The following NFXL1 variants were observed in gnomAD, a reference collection of about 807,000 sequenced individuals.
The protein encoded by NFXL1 is nuclear transcription factor, X-box binding like 1.
NFXL1 carries 66 observed loss-of-function variants against 123.3 expected under a neutral mutation model. The ratio of observed to expected loss-of-function variants is 0.54; its 90% CI spans 0.44 to 0.66. The LOEUF is 0.66. NFXL1 is among the 30% of genes least tolerant of loss of function. The probability of loss-of-function intolerance (pLI) is 0.00; values close to 1 mark genes in which losing one functional copy is unlikely to be tolerated. For synonymous variants in NFXL1, 346 were observed against 360.8 expected (o/e 0.96, Z 0.46); for missense variants, 944 against 1,125.6 (o/e 0.84, Z 2.31).
chr4:47,879,026 T>C, intron 16 of NFXL1, 70 bp downstream of exon 16: 2 of 862,340 alleles, frequency 2.3e-6, no homozygotes, highest in South Asian at 1.6e-5. Context: ...CTAACAACTC[T>C]AGTAAAGTTA....
Position 47,913,974 on chromosome 4 carries a change from G to C in NFXL1, c.230C>G (p.Ala77Gly). 6.5e-7 allele frequency: 1 copy of C among 1,543,182 alleles called. No homozygotes were observed. Among genetic ancestry groups the C allele is most frequent in the Non-Finnish European group, 8.7e-7 (1 of 1,143,388 alleles). The change falls in exon 2 of 23, where the codon GCC becomes GGC. Residue 77 changes from alanine (A) to glycine (G), a missense_variant. Physicochemically the swap from Ala to Gly is moderately conservative, Grantham distance 60. Transcript: ENST00000507489. ...AGSQALQTTA[A>G]SELMSQKKFE... ...CGGGCGGGAGCCATTCTCACCGCTGGCTGCGGTAGTCTGCAGGGCTTGGGA... is the reference window on the plus strand; with the variant it reads ...CGGGCGGGAGCCATTCTCACCGCTGCCTGCGGTAGTCTGCAGGGCTTGGGA...
chr4:47,860,613 G>T (rs1027025512), intron 19 of NFXL1, among the ~76,000 whole-genome samples: 2 of 152,190 alleles, frequency 1.3e-5, no homozygotes, highest in Admixed American at 6.5e-5. Flanking sequence ...ACAATCTACA[G>T]TATGGGAAAG....
rs547424871 is a variant in NFXL1 at position 47,882,327 on chromosome 4, A to G, written c.1916+2019T>C. On this transcript the variant is annotated intron_variant, in intron 15 of 22. Transcript: ENST00000507489. ...AAGTTTCCTTACCCTTTAAAAAAAG[A>G]AAAGAAGAAAAGGAAAAGGTGATGA... 2.0e-5 allele frequency: 3 copies of G among 152,346 alleles called. No individual in the cohort carries two copies. The East Asian group carries it at 5.8e-4, about 29-fold the overall frequency. The allele number at this position is 152,346 out of a possible 1,614,324, so 9.4% of individuals were successfully genotyped here.
At position 47,878,538 on chromosome 4, in the gene NFXL1, G is replaced by A; in HGVS notation, c.2066C>T (p.Thr689Ile). 6.3e-7 allele frequency: 1 copy of A among 1,579,572 alleles called. No individual in the cohort carries two copies. Among genetic ancestry groups the A allele is most frequent in the Non-Finnish European group, 8.6e-7 (1 of 1,164,660 alleles). Residue 689 changes from threonine (T) to isoleucine (I), a missense_variant, in exon 17 of 23, where the codon ACT becomes ATT. By Grantham distance (89) the Thr-to-Ile change is moderately conservative. Transcript: ENST00000507489. ...TAAGAACATTACCTTGTTTTTTCCAGTGCAGCCATCAGTTTTGGTTACTTT... is the reference window on the plus strand; with the variant it reads ...TAAGAACATTACCTTGTTTTTTCCAATGCAGCCATCAGTTTTGGTTACTTT... ...CHKVTKTDGC[T>I]GKNKAGPECL...
intron 19 of NFXL1, among the ~76,000 whole-genome samples, chr4:47,861,293 C>T (rs1734753191): frequency 6.6e-6 from 1 of 152,174 alleles, no homozygotes; most frequent in Non-Finnish European, 1.5e-5. Flanking sequence ...ATGAAATTCA[C>T]CTGTCTACTC....
intron 2 of NFXL1, among the ~76,000 whole-genome samples, chr4:47,912,810 G>C (rs908701754): frequency 1.4e-5 from 2 of 141,550 alleles, no homozygotes; most frequent in Non-Finnish European, 3.1e-5. Context: ...TGGCTAACAC[G>C]GTGAAACCCC....
In NFXL1 at chr4:47,910,951, G is replaced by C; in HGVS notation, c.279C>G (p.Asn93Lys). 1 of 1,607,608 alleles carries C rather than the reference G, an allele frequency of 6.2e-7. No homozygotes were observed. Among genetic ancestry groups the C allele is most frequent in the Non-Finnish European group, 8.5e-7 (1 of 1,177,584 alleles). ...QKKFEEIKKA[N>K]QAAARKLVEE... The stretch of plus-strand genomic sequence containing the variant: ...CAACAAGTTTTCTGGCTGCAGCTTG[G>C]TTAGCTTTCTTGATTTCTTCAAATT... The change falls in exon 3 of 23, where the codon AAC becomes AAG. Residue 93 changes from asparagine to lysine, a missense_variant. This residue lies in a region of NFXL1 where 303 missense variants were observed against 292.1 expected (regional missense o/e 1.04). Transcript: ENST00000507489.
intron 18 of NFXL1, among the ~76,000 whole-genome samples, chr4:47,870,461 C>A (rs1254247716): frequency 1.4e-5 from 2 of 142,680 alleles, no homozygotes; most frequent in Non-Finnish European, 3.2e-5. Flanking sequence ...TGTAGAAATA[C>A]AGGAAGTAAT....
chr4:47,872,872 A>T (rs1307706048), intron 18 of NFXL1, among the ~76,000 whole-genome samples: 3 of 152,140 alleles, frequency 2.0e-5, no homozygotes, highest in Non-Finnish European at 2.9e-5. Flanking sequence ...TTGCTGCATC[A>T]ATTGACTCTT....
At chr4:47,889,465 T>C (rs1436458555) in intron 12 of NFXL1, among the ~76,000 whole-genome samples, 4 of 152,164 alleles carry the variant, frequency 2.6e-5, no homozygotes, top group Non-Finnish European at 5.9e-5. Flanking sequence ...TGGGTTCACA[T>C]CCTGACTCTG....
intron 15 of NFXL1, among the ~76,000 whole-genome samples, chr4:47,883,180 G>C (rs1364068882): frequency 6.6e-6 from 1 of 151,938 alleles, no homozygotes; most frequent in Non-Finnish European, 1.5e-5. Context: ...GGAAAGAGAA[G>C]GTTGCAGTGA....
chr4:47,903,800 C>A (rs1545200), intron 4 of NFXL1, among the ~76,000 whole-genome samples: 3 of 152,080 alleles, frequency 2.0e-5, no homozygotes. Flanking sequence ...TATCTCTACA[C>A]AGCCCTTTTG....
At chr4:47,875,970 A>G (rs549042749) in intron 17 of NFXL1, among the ~76,000 whole-genome samples, 2 of 152,258 alleles carry the variant, frequency 1.3e-5, no homozygotes, top group South Asian at 4.1e-4. Context: ...TTATTTCAGG[A>G]TATTGTTTTC....
intron 17 of NFXL1, chr4:47,877,035 C>G: frequency 2.4e-6 from 3 of 1,250,302 alleles, no homozygotes; most frequent in Non-Finnish European, 3.1e-6. Context: ...TTCATTTGCT[C>G]TTCCTATGTG....
At chr4:47,914,271 A>G (rs995929463) in intron 1 of NFXL1, 66 bp from the exon 2 acceptor site, 3 of 1,274,658 alleles carry the variant, frequency 2.4e-6, no homozygotes, top group East Asian at 2.6e-5. Flanking sequence ...GAGGCGAAGG[A>G]GGGTCAGTGC....
intron 18 of NFXL1, among the ~76,000 whole-genome samples, chr4:47,869,578 A>T (rs1057195617): frequency 6.6e-6 from 1 of 152,218 alleles, no homozygotes; most frequent in Non-Finnish European, 1.5e-5. Context: ...AGTAGTATAT[A>T]CATGAATATA....
intron 17 of NFXL1, among the ~76,000 whole-genome samples, chr4:47,877,798 A>C (rs1340485777): frequency 6.6e-6 from 1 of 152,122 alleles, no homozygotes; most frequent in East Asian, 1.9e-4. Context: ...AATAATTTAA[A>C]TAGTTGTAAA....
intron 15 of NFXL1, among the ~76,000 whole-genome samples, chr4:47,882,078 T>A (rs1328088344): frequency 2.0e-5 from 3 of 152,228 alleles, no homozygotes; most frequent in Non-Finnish European, 4.4e-5. Context: ...GTTTCTCAAC[T>A]GTAAATTGTA....
chr4:47,903,461 A>G (rs1004453191), intron 4 of NFXL1, 138 bp from the exon 5 acceptor site: 11 of 419,852 alleles, frequency 2.6e-5, no homozygotes, highest in Middle Eastern at 6.0e-4. Context: ...CTTCCAGTAT[A>G]ACAGAAGAAC....
Sources: allele counts gnomAD v4.1 joint callset (sites outside exome capture counted in the v4.1 genomes callset), GRCh38; gene constraint gnomAD v4.1.1; regional missense constraint gnomAD v4.1.1; transcripts MANE v1.5; gene names NCBI Gene and HGNC (gene_info 2026-07-23, HGNC 2026-07-21).